ZMIZ1: variants seen among roughly 807,000 people sequenced by gnomAD.
ZMIZ1 encodes the protein zinc finger MIZ domain-containing protein 1.
A neutral mutation model predicts 113.9 loss-of-function variants in ZMIZ1; 17 were observed. The ratio of observed to expected loss-of-function variants is 0.15; its 90% CI spans 0.10 to 0.22. ZMIZ1 has a LOEUF of 0.22. Ranked by LOEUF, ZMIZ1 falls within the 10% of genes least tolerant of loss-of-function variation. The pLI is 1.00. For synonymous variants in ZMIZ1, 607 were observed against 603.1 expected (o/e 1.01, Z -0.09); for missense variants, 1,059 against 1,477.8 (o/e 0.72, Z 4.65).
At position 79,315,521 on chromosome 10, in the gene ZMIZ1, T is replaced by C. The variant is rs1169677742; in HGVS notation, c.*2772T>C. On this transcript the variant is annotated 3_prime_UTR_variant, in exon 25 of 25. Coordinates refer to ENST00000334512, the MANE Select transcript of ZMIZ1 (RefSeq NM_020338.4). ...ATGTTTCTGCCGCCACTCCGCAAGA[T>C]GGACAGGGAGCCAGCAGGCAGGCGG... is the stretch of plus-strand genomic sequence containing the variant. 2 of 152,828 alleles carry C rather than the reference T, an allele frequency of 1.3e-5. No homozygotes were observed. Among genetic ancestry groups the C allele is most frequent in the African/African-American group, 4.8e-5 (2 of 41,458 alleles). 9.5% of individuals were successfully genotyped at this position (152,828 alleles called of 1,614,324 possible). A position where few individuals can be genotyped will look rare whatever the true frequency, so the allele number is the denominator to read the frequency against.
chr10:79,124,597 C>T (rs1203963351), intron 2 of ZMIZ1, among the ~76,000 whole-genome samples: 1 of 152,222 alleles, frequency 6.6e-6, no homozygotes, highest in Non-Finnish European at 1.5e-5. Flanking sequence ...GCTGGGAGAG[C>T]ACAGCTCCAG....
intron 7 of ZMIZ1, among the ~76,000 whole-genome samples, chr10:79,273,611 G>A (rs1033291102): frequency 1.3e-5 from 2 of 152,220 alleles, no homozygotes; most frequent in Non-Finnish European, 2.9e-5. Flanking sequence ...GCCCGCCTCA[G>A]CCTCCCAAAC....
intron 1 of ZMIZ1, among the ~76,000 whole-genome samples, chr10:79,105,592 G>A (rs546234377): frequency 6.6e-6 from 1 of 152,330 alleles, no homozygotes; most frequent in South Asian, 2.1e-4. Flanking sequence ...CCAGTGACTG[G>A]ATACTTGCTG....
chr10:79,162,407 G>A (rs1040367929), intron 4 of ZMIZ1, among the ~76,000 whole-genome samples: 2 of 152,188 alleles, frequency 1.3e-5, no homozygotes, highest in African/African-American at 4.8e-5. Flanking sequence ...GGCAGGTCTG[G>A]CCACCTGGTC....
intron 20 of ZMIZ1, 25 bp downstream of exon 20, chr10:79,305,256 G>A (rs758258063): frequency 3.7e-6 from 6 of 1,612,414 alleles, no homozygotes; most frequent in Non-Finnish European, 5.1e-6. Flanking sequence ...CCCCGGTGGG[G>A]GCTTCCCCCA....
At chr10:79,295,124 G>A (rs1256527828) in intron 12 of ZMIZ1, 2 of 152,194 alleles carry the variant, frequency 1.3e-5, no homozygotes, top group African/African-American at 4.8e-5. Flanking sequence ...GCAGTTTCTA[G>A]GCCTTTTCTC....
chr10:79,289,896 GC>G lies in ZMIZ1; in HGVS notation c.540+9del. ...CAACACATCCCAGAGCCAGGTAAGA[GC>G]CTATACTGCCCTCAGCCACAGCTCT... On this transcript the variant is annotated splice_region_variant and intron_variant, in intron 9 of 24. Transcript: ENST00000334512. 6.2e-7 allele frequency: 1 copy of G among 1,612,532 alleles called. No homozygotes were observed. The highest frequency in any genetic ancestry group is 8.5e-7 in the Non-Finnish European group (1 of 1,178,700).
chr10:79,291,550 G>A (rs1339437886), intron 10 of ZMIZ1, among the ~76,000 whole-genome samples: 2 of 152,240 alleles, frequency 1.3e-5, no homozygotes, highest in African/African-American at 4.8e-5. Flanking sequence ...CAAAGACAGT[G>A]AAGCAGTCTG....
chr10:79,241,610 C>G (rs993406280), intron 7 of ZMIZ1, among the ~76,000 whole-genome samples: 1 of 152,066 alleles, frequency 6.6e-6, no homozygotes, highest in African/African-American at 2.4e-5. Context: ...ACCAGCTTCT[C>G]GGAGGGAAAG....
At chr10:79,157,403 G>A (rs1845944145) in intron 3 of ZMIZ1, among the ~76,000 whole-genome samples, 1 of 146,346 alleles carries the variant, frequency 6.8e-6, no homozygotes. Flanking sequence ...GTGTGTGTGT[G>A]GTCAGTTGGC....
chr10:79,156,922 T>G (rs1054115566), intron 3 of ZMIZ1, among the ~76,000 whole-genome samples: 3 of 152,218 alleles, frequency 2.0e-5, no homozygotes, highest in African/African-American at 7.2e-5. Context: ...GTCCCTGTCC[T>G]TATGGGCCTC....
At position 79,289,496 on chromosome 10, in the gene ZMIZ1, G is replaced by A. The variant is rs570307551; in HGVS notation, c.426-279G>A. Among the ~76,000 whole-genome samples, 3 of 152,344 alleles carry A rather than the reference G, an allele frequency of 2.0e-5. No individual in the cohort carries two copies. The East Asian group carries it at 5.8e-4, about 29-fold the overall frequency. On this transcript the variant is annotated intron_variant, in intron 8 of 24. Coordinates refer to ENST00000334512, the MANE Select transcript of ZMIZ1 (RefSeq NM_020338.4). ...GGTCACACCACTTCATCAGTTGCATGACCTGTGGACTCGGGGATACAGGGA... is the reference window on the plus strand; with the variant it reads ...GGTCACACCACTTCATCAGTTGCATAACCTGTGGACTCGGGGATACAGGGA...
At position 79,191,173 on chromosome 10, in the gene ZMIZ1, C is replaced by A. The variant is rs115646497; in HGVS notation, c.-49-10411C>A. Among the ~76,000 whole-genome samples the A allele has an allele frequency of 5.4e-3, 826 of 152,280 alleles. 10 individuals are homozygous for A. Among genetic ancestry groups the A allele is most frequent in the African/African-American group, 0.019 (797 of 41,550 alleles). On this transcript the variant is annotated intron_variant, in intron 4 of 24. Coordinates refer to ENST00000334512, the MANE Select transcript of ZMIZ1 (RefSeq NM_020338.4). ...TGCCAGCTGGTCCTTAAGGGCTGAT[C>A]TAGTTCTGTCTAACTCTTCCTGGGG...
In ZMIZ1 at chr10:79,139,753, T is replaced by C; in HGVS notation, c.-155T>C. 2 of 398,812 alleles carry C rather than the reference T, an allele frequency of 5.0e-6. No homozygotes were observed. The highest frequency in any genetic ancestry group is 8.8e-6 in the Non-Finnish European group (2 of 226,216). The allele number at this position is 398,812 out of a possible 1,614,324, so 24.7% of individuals were successfully genotyped here. A position where few individuals can be genotyped will look rare whatever the true frequency, so the allele number is the denominator to read the frequency against. The stretch of plus-strand genomic sequence containing the variant: ...GTGTGAGGAGAGGAGCCGCTGTTTT[T>C]CACTGAGCTGCCATACCCCGAAAGG... On this transcript the variant is annotated 5_prime_UTR_variant, in exon 3 of 25. Coordinates refer to ENST00000334512, the MANE Select transcript of ZMIZ1 (RefSeq NM_020338.4).
chr10:79,307,233 G>C (rs1330400050), intron 22 of ZMIZ1, among the ~76,000 whole-genome samples, 172 bp from the exon 23 acceptor site: 1 of 152,144 alleles, frequency 6.6e-6, no homozygotes, highest in African/African-American at 2.4e-5. Flanking sequence ...CACGGGACAG[G>C]GCTGAGTGGC....
intron 1 of ZMIZ1, among the ~76,000 whole-genome samples, chr10:79,072,435 C>A (rs535406159): frequency 6.6e-6 from 1 of 152,238 alleles, no homozygotes; most frequent in East Asian, 1.9e-4. Flanking sequence ...CACTTTTTTT[C>A]CTGTTTCTTC....
chr10:79,304,611 T>G (rs1385956895), intron 19 of ZMIZ1, among the ~76,000 whole-genome samples: 1 of 152,174 alleles, frequency 6.6e-6, no homozygotes. Flanking sequence ...CAGCCCGGCC[T>G]GGAAGAAGAA....
intron 1 of ZMIZ1, among the ~76,000 whole-genome samples, chr10:79,104,332 G>A (rs1180243313): frequency 2.6e-5 from 4 of 152,316 alleles, no homozygotes; most frequent in Admixed American, 6.5e-5. Flanking sequence ...TATAGAGTCC[G>A]CGTGCATAGA....
At chr10:79,297,943 A>C (rs1408992508) in intron 14 of ZMIZ1, among the ~76,000 whole-genome samples, 1 of 151,992 alleles carries the variant, frequency 6.6e-6, no homozygotes, top group Non-Finnish European at 1.5e-5. Flanking sequence ...TTCCTGGGGA[A>C]CCTGGGCCCC....
Sources: gnomAD v4.1 joint callset for allele counts (sites outside exome capture counted in the v4.1 genomes callset) on GRCh38, gnomAD v4.1.1 for gene constraint, MANE v1.5 for transcripts, NCBI Gene and HGNC (gene_info 2026-07-23, HGNC 2026-07-21) for gene names.